Variants in DTL observed in about 807,000 individuals in gnomAD.
DTL encodes the protein denticleless protein homolog.
Under a neutral mutation model 87.0 loss-of-function variants are expected in DTL, and 46 were observed. The ratio of observed to expected loss-of-function variants is 0.53; its 90% confidence interval spans 0.42 to 0.68. The LOEUF is 0.68. DTL is among the 30% of genes least tolerant of loss of function. DTL has a pLI of 0.00. For missense variants in DTL, 737 were observed against 869.4 expected (o/e 0.85, Z 1.91); for synonymous variants, 308 against 311.2 (o/e 0.99, Z 0.11).
intron 11 of DTL, among the ~76,000 whole-genome samples, chr1:212,072,522 T>C (rs1202482848): frequency 6.6e-6 from 1 of 152,202 alleles, no homozygotes; most frequent in Admixed American, 6.5e-5. Context: ...CTGGAAAACA[T>C]GCTATACTGA....
chr1:212,095,146 A>G (rs902272475), intron 13 of DTL, among the ~76,000 whole-genome samples: 1 of 152,146 alleles, frequency 6.6e-6, no homozygotes, highest in Non-Finnish European at 1.5e-5. Flanking sequence ...AGAAGTGGTG[A>G]AAGTGGGCAT....
chr1:212,098,641 G>A (rs1255728525), intron 13 of DTL, among the ~76,000 whole-genome samples: 6 of 152,080 alleles, frequency 3.9e-5, no homozygotes, highest in Non-Finnish European at 8.8e-5. Context: ...TTCTAAGGGA[G>A]ATTATGGCTG....
chr1:212,056,370 A>G (rs1213671219), intron 5 of DTL, among the ~76,000 whole-genome samples: 1 of 152,180 alleles, frequency 6.6e-6, no homozygotes, highest in Non-Finnish European at 1.5e-5. Flanking sequence ...TAATCTACCA[A>G]CGAAACCAGA....
intron 13 of DTL, among the ~76,000 whole-genome samples, chr1:212,084,931 C>A (rs2884458): frequency 6.6e-6 from 1 of 152,156 alleles, no homozygotes; most frequent in Non-Finnish European, 1.5e-5. Context: ...GATTCATTAT[C>A]TATGATGTAG....
At chr1:212,086,212 C>T (rs191340067) in intron 13 of DTL, among the ~76,000 whole-genome samples, 39 of 138,768 alleles carry the variant, frequency 2.8e-4, no homozygotes, top group Non-Finnish European at 5.0e-4. Context: ...GTATTGACAT[C>T]GTAATAATGT....
intron 14 of DTL, among the ~76,000 whole-genome samples, chr1:212,102,385 A>T (rs1476235773): frequency 6.6e-6 from 1 of 152,226 alleles, no homozygotes. Context: ...AATCTTTAAA[A>T]AGTAGAAACA....
Position 212,066,809 on chromosome 1 carries a change from C to T in DTL, c.640-3C>T, listed in dbSNP as rs756888096. 1.2e-6 allele frequency: 2 copies of T among 1,612,854 alleles called. No individual in the cohort carries two copies. On this transcript the variant is annotated splice_polypyrimidine_tract_variant and splice_region_variant and intron_variant, in intron 7 of 14. Transcript: ENST00000366991. ...GAATCTTCTTCTTTTCTTGTGCTAT[C>T]AGGATTTCCAGCAAAGTGTTACTGT...
chr1:212,101,133 A>G, intron 14 of DTL, 49 bp downstream of exon 14: 1 of 1,337,110 alleles, frequency 7.5e-7, no homozygotes, highest in South Asian at 1.5e-5. Context: ...AAAAGGGGCC[A>G]GACACCCAGA....
At position 212,035,758 on chromosome 1, in the gene DTL, G is replaced by A; in HGVS notation, c.-133G>A. 1 of 891,822 alleles carries A rather than the reference G, an allele frequency of 1.1e-6. No individual in the cohort carries two copies. Among genetic ancestry groups the A allele is most frequent in the Non-Finnish European group, 1.8e-6 (1 of 561,332 alleles). 55.2% of individuals were successfully genotyped at this position (891,822 alleles called of 1,614,324 possible). A position where few individuals can be genotyped will look rare whatever the true frequency, so the allele number is the denominator to read the frequency against. Reference sequence around the variant, plus strand: ...ACGTCAGTTTGGCGCGGAGTTTGGCGGCCGGGGCTTACAGTGGCGGGAGTT... The same window carrying A: ...ACGTCAGTTTGGCGCGGAGTTTGGCAGCCGGGGCTTACAGTGGCGGGAGTT... On this transcript the variant is annotated 5_prime_UTR_variant, in exon 1 of 15. Coordinates refer to ENST00000366991, the MANE Select transcript of DTL (RefSeq NM_016448.4).
Position 212,072,082 on chromosome 1 carries a change from G to C in DTL, c.923-19G>C, listed in dbSNP as rs1654690120. ...AGAAATAACAAGAGCCAAGTAATTTGGTTTTTTTCCTCTGGCAGTGGCTAT... is the reference window on the plus strand; with the variant it reads ...AGAAATAACAAGAGCCAAGTAATTTCGTTTTTTTCCTCTGGCAGTGGCTAT... On this transcript the variant is annotated intron_variant, in intron 10 of 14. Transcript: ENST00000366991. 1 of 1,569,454 alleles carries C rather than the reference G, an allele frequency of 6.4e-7. No individual in the cohort carries two copies. Among genetic ancestry groups the C allele is most frequent in the African/African-American group, 1.4e-5 (1 of 73,946 alleles).
chr1:212,091,150 T>G (rs985805736), intron 13 of DTL, among the ~76,000 whole-genome samples: 2 of 152,178 alleles, frequency 1.3e-5, no homozygotes, highest in Non-Finnish European at 2.9e-5. Flanking sequence ...AGGGCCTGAA[T>G]AGACATTTCT....
chr1:212,066,868 A>C lies in DTL; in HGVS notation c.696A>C (p.Ser232=), dbSNP rs771090129. 5.6e-6 allele frequency: 9 copies of C among 1,613,446 alleles called. No homozygotes were observed. The highest frequency in any genetic ancestry group is 5.1e-6 in the Non-Finnish European group (6 of 1,179,392). ...VLFQDENTLV[S]AGAVDGIIKV... ...TTCAAGACGAGAATACCTTAGTCTCAGCAGGAGCTGTGGATGGGTAAGAGT... is the reference window on the plus strand; with the variant it reads ...TTCAAGACGAGAATACCTTAGTCTCCGCAGGAGCTGTGGATGGGTAAGAGT... Residue 232 remains serine (S), a synonymous_variant, in exon 8 of 15, where the codon TCA becomes TCC. Transcript: ENST00000366991.
At chr1:212,053,815 TAAC>T (rs1488740172) in intron 5 of DTL, among the ~76,000 whole-genome samples, 1 of 152,188 alleles carries the variant, frequency 6.6e-6, no homozygotes, top group Non-Finnish European at 1.5e-5. Flanking sequence ...TACGTTTCTT[TAAC>T]TCATTTAACA....
At chr1:212,088,422 C>T (rs1655190437) in intron 13 of DTL, among the ~76,000 whole-genome samples, 2 of 152,196 alleles carry the variant, frequency 1.3e-5, no homozygotes, top group South Asian at 4.1e-4. Context: ...CCATTATTAG[C>T]TGCCCTCGAG....
intron 11 of DTL, among the ~76,000 whole-genome samples, chr1:212,075,158 A>C (rs986821115): frequency 1.3e-5 from 2 of 152,192 alleles, no homozygotes; most frequent in African/African-American, 2.4e-5. Flanking sequence ...CTTGGTTTCC[A>C]ACTGGGCAGA....
intron 11 of DTL, among the ~76,000 whole-genome samples, chr1:212,072,552 A>C (rs1654706656): frequency 6.6e-6 from 1 of 152,286 alleles, no homozygotes; most frequent in South Asian, 2.1e-4. Context: ...CTATGTTTTC[A>C]AACTCTCGTT....
chr1:212,057,054 A>G (rs1668199350), intron 5 of DTL, among the ~76,000 whole-genome samples: 2 of 152,186 alleles, frequency 1.3e-5, no homozygotes. Flanking sequence ...GGCAAAGATA[A>G]AATGAAAGGG....
chr1:212,036,327 C>A (rs776425804), intron 1 of DTL, among the ~76,000 whole-genome samples: 1 of 152,266 alleles, frequency 6.6e-6, no homozygotes, highest in Non-Finnish European at 1.5e-5. Context: ...GTTGTAGAAT[C>A]TTAGTGAGCC....
At chr1:212,086,657 G>A (rs777771788) in intron 13 of DTL, among the ~76,000 whole-genome samples, 1 of 152,130 alleles carries the variant, frequency 6.6e-6, no homozygotes, top group Non-Finnish European at 1.5e-5. Context: ...CAAAGTGCTG[G>A]GATTACAGGC....
Sources: gnomAD v4.1 joint callset for allele counts (sites outside exome capture counted in the v4.1 genomes callset) on GRCh38, gnomAD v4.1.1 for gene constraint, MANE v1.5 for transcripts, NCBI Gene and HGNC (gene_info 2026-07-23, HGNC 2026-07-21) for gene names.